Variants in FHIP1A observed in about 807,000 individuals in gnomAD.
The protein encoded by FHIP1A is FHF complex subunit HOOK-interacting protein 1A.
Under a neutral mutation model 88.6 loss-of-function variants are expected in FHIP1A, and 61 were observed. That is an observed-to-expected ratio of 0.69 (90% CI 0.56 to 0.85). The LOEUF (loss-of-function observed/expected upper bound fraction) is 0.85, where lower values mean the gene tolerates loss of function less well. FHIP1A is among the 40% of genes least tolerant of loss of function. The pLI is 0.00. For missense variants in FHIP1A, 1,154 were observed against 1,273.5 expected (o/e 0.91, Z 1.43); for synonymous variants, 478 against 496.0 (o/e 0.96, Z 0.48).
At chr4:151,612,634 G>A (rs1735369029) in intron 7 of FHIP1A, among the ~76,000 whole-genome samples, 1 of 152,212 alleles carries the variant, frequency 6.6e-6, no homozygotes, top group Middle Eastern at 3.4e-3. Flanking sequence ...TGCCCATCTC[G>A]GCCTCCCAAA....
chr4:151,446,581 CTTTTTTTTTTTTT>C (rs35115788), intron 1 of FHIP1A, among the ~76,000 whole-genome samples: 6 of 109,968 alleles, frequency 5.5e-5, no homozygotes, highest in African/African-American at 1.7e-4. Context: ...TGTTCTTTTT[CTTTTTTTTTTTTT>C]TTTTTTGGTT....
chr4:151,509,589 G>A (rs1019536002), intron 3 of FHIP1A, among the ~76,000 whole-genome samples: 1 of 152,126 alleles, frequency 6.6e-6, no homozygotes, highest in Non-Finnish European at 1.5e-5. Context: ...ATGTACCTCG[G>A]TTGTCATTCT....
At chr4:151,577,376 T>C in intron 4 of FHIP1A, 74 bp from the exon 5 acceptor site, 2 of 1,407,372 alleles carry the variant, frequency 1.4e-6, no homozygotes, top group South Asian at 1.5e-5. Flanking sequence ...GACAATTTGG[T>C]AAAATCAGTG....
chr4:151,418,809 C>A (rs1324342912), intron 1 of FHIP1A, among the ~76,000 whole-genome samples: 1 of 152,184 alleles, frequency 6.6e-6, no homozygotes, highest in Non-Finnish European at 1.5e-5. Flanking sequence ...CCTACCAGAG[C>A]ACCTTATATT....
At position 151,656,463 on chromosome 4, in the gene FHIP1A, G is replaced by T; in HGVS notation, c.2730+53G>T. On this transcript the variant is annotated intron_variant, in intron 12 of 13. Coordinates refer to ENST00000435205, the MANE Select transcript of FHIP1A (RefSeq NM_001109977.3). The surrounding 1 kb of genome is among the most constrained non-coding windows in gnomAD (Gnocchi z 4.2). ...CTGTTGATTTTGTGGGTGCTAATTT[G>T]CAGGGCATCTATTTCTCTTTATTTT... 1 of 1,493,646 alleles carries T rather than the reference G, an allele frequency of 6.7e-7. No homozygotes were observed. 92.5% of individuals were successfully genotyped at this position (1,493,646 alleles called of 1,614,324 possible).
In FHIP1A at chr4:151,662,608, C is replaced by A. The variant is rs1411229778; in HGVS notation, c.2977C>A (p.Pro993Thr). The A allele has an allele frequency of 1.3e-6, 2 of 1,551,252 alleles. No individual in the cohort carries two copies. Among genetic ancestry groups the A allele is most frequent in the African/African-American group, 2.7e-5 (2 of 72,992 alleles). Residue 993 changes from proline to threonine, a missense_variant, in exon 14 of 14, where the codon CCC (proline) becomes ACC (threonine). Physicochemically the swap from Pro to Thr is conservative, Grantham distance 38. Transcript: ENST00000435205. The stretch of plus-strand genomic sequence containing the variant: ...CCACAGAACCAAGGTGGCTGAGGCA[C>A]CCCCCAACCTGCCCCTGCCGGTGAG... ...LTHRTKVAEA[P>T]PNLPLPVRNP...
At chr4:151,530,170 T>C (rs1340327707) in intron 3 of FHIP1A, among the ~76,000 whole-genome samples, 8 of 152,312 alleles carry the variant, frequency 5.3e-5, no homozygotes, top group African/African-American at 1.9e-4. Flanking sequence ...GGTTCTTCAA[T>C]TGAGAAGTCT....
chr4:151,560,015 T>C (rs1470310028), intron 3 of FHIP1A, among the ~76,000 whole-genome samples: 1 of 152,078 alleles, frequency 6.6e-6, no homozygotes, highest in African/African-American at 2.4e-5. Context: ...TTAAAGTGGG[T>C]TTTAAACTTT....
chr4:151,456,557 G>T (rs1728974579), intron 2 of FHIP1A, among the ~76,000 whole-genome samples: 3 of 152,080 alleles, frequency 2.0e-5, no homozygotes, highest in Admixed American at 2.0e-4. Context: ...AATGTACCCT[G>T]ATCCACCAAT....
intron 8 of FHIP1A, among the ~76,000 whole-genome samples, chr4:151,638,188 C>CTCA: frequency 1.3e-5 from 2 of 152,234 alleles, no homozygotes; most frequent in African/African-American, 4.8e-5. Flanking sequence ...AGGAGCTGAG[C>CTCA]TTGAGGCTAA....
At chr4:151,597,073 G>A (rs901849549) in intron 7 of FHIP1A, among the ~76,000 whole-genome samples, 1 of 152,116 alleles carries the variant, frequency 6.6e-6, no homozygotes. Context: ...CCTTGCTGGC[G>A]AGGTGTTGTG....
intron 3 of FHIP1A, among the ~76,000 whole-genome samples, chr4:151,556,789 T>C (rs1419048827): frequency 2.6e-5 from 4 of 152,194 alleles, no homozygotes; most frequent in Non-Finnish European, 5.9e-5. Flanking sequence ...GATGTATACC[T>C]ACTGTTTCCA....
At chr4:151,517,469 T>A (rs917628310) in intron 3 of FHIP1A, among the ~76,000 whole-genome samples, 12 of 152,178 alleles carry the variant, frequency 7.9e-5, no homozygotes, top group Admixed American at 3.9e-4. Flanking sequence ...ATGATAAATT[T>A]AAAAAAATAT....
intron 1 of FHIP1A, among the ~76,000 whole-genome samples, chr4:151,425,863 A>T (rs1025505319): frequency 2.0e-5 from 3 of 152,112 alleles, no homozygotes; most frequent in Admixed American, 6.6e-5. Flanking sequence ...TCTTATAAGG[A>T]TACATGTGTG....
intron 3 of FHIP1A, among the ~76,000 whole-genome samples, chr4:151,552,421 C>T (rs985576015): frequency 7.2e-5 from 11 of 152,196 alleles, no homozygotes; most frequent in African/African-American, 2.4e-4. Flanking sequence ...GACTTGGAAC[C>T]AACCCAAATG....
chr4:151,648,550 G>A (rs1040122485), intron 10 of FHIP1A, among the ~76,000 whole-genome samples: 2 of 152,024 alleles, frequency 1.3e-5, no homozygotes, highest in African/African-American at 2.4e-5. Context: ...TGGCACTGAC[G>A]TAAGAATGGA....
intron 4 of FHIP1A, among the ~76,000 whole-genome samples, chr4:151,571,721 G>A (rs1442333426): frequency 6.6e-6 from 1 of 152,166 alleles, no homozygotes; most frequent in Non-Finnish European, 1.5e-5. Flanking sequence ...CAGTTGGGAC[G>A]TATTAGAGAA....
rs968163206 is a variant in FHIP1A at position 151,650,499 on chromosome 4, GCTGTAGAGA to G, written c.2463_2471del (p.Glu822_Val824del). ...TGACTCTTTTATAGCGGAGATGCCTGCTGTAGAGACTGTGCCTTCCCCATTTGTGGGGAG... is the reference window on the plus strand; with the variant it reads ...TGACTCTTTTATAGCGGAGATGCCTGCTGTGCCTTCCCCATTTGTGGGGAG... On this transcript the variant is annotated inframe_deletion, in exon 11 of 14. Coordinates refer to ENST00000435205, the MANE Select transcript of FHIP1A (RefSeq NM_001109977.3). 1 of 1,551,502 alleles carries G rather than the reference GCTGTAGAGA, an allele frequency of 6.4e-7. No individual in the cohort carries two copies. The highest frequency in any genetic ancestry group is 8.7e-7 in the Non-Finnish European group (1 of 1,147,070).
chr4:151,563,165 G>C (rs539442795), intron 3 of FHIP1A, among the ~76,000 whole-genome samples: 1 of 152,072 alleles, frequency 6.6e-6, no homozygotes, highest in Admixed American at 6.5e-5. Context: ...AGTCAGTTCT[G>C]TCTTTGCAGT....
Sources: gnomAD v4.1 joint callset for allele counts (sites outside exome capture counted in the v4.1 genomes callset) on GRCh38, gnomAD v4.1.1 for gene constraint, Gnocchi (gnomAD v3.1) non-coding constraint, MANE v1.5 for transcripts, NCBI Gene and HGNC (gene_info 2026-07-23, HGNC 2026-07-21) for gene names.